Variants in FAM24B observed in about 807,000 individuals in gnomAD.
FAM24B encodes protein FAM24B.
In FAM24B, 3 loss-of-function variants were observed where a neutral mutation model predicts 2.3. The observed-to-expected ratio is 1.29, with a 90% CI of 0.59 to 3.32. The LOEUF (loss-of-function observed/expected upper bound fraction) is 3.32, where lower values mean the gene tolerates loss of function less well. Among genes scored for constraint, FAM24B ranks in the 30% most tolerant of loss-of-function variants. The pLI is 0.03. For missense variants in FAM24B, 98 were observed against 117.2 expected (o/e 0.84, Z 0.76); for synonymous variants, 36 against 46.3 (o/e 0.78, Z 0.90).
intron 1 of FAM24B, among the ~76,000 whole-genome samples, chr10:122,869,974 C>CA (rs1188722862): frequency 3.3e-5 from 5 of 152,070 alleles, no homozygotes; most frequent in East Asian, 3.9e-4. Context: ...AAAAGCCCTT[C>CA]AAAAAAATCA....
intron 3 of FAM24B, 74 bp from the exon 4 acceptor site, chr10:122,849,513 G>T (rs1378817740): frequency 7.9e-6 from 11 of 1,385,028 alleles, no homozygotes; most frequent in East Asian, 2.4e-5. Flanking sequence ...CTGTTGGGGG[G>T]TATCTGGGGA....
At chr10:122,859,811 G>A (rs1425807813) in intron 1 of FAM24B, among the ~76,000 whole-genome samples, 1 of 152,128 alleles carries the variant, frequency 6.6e-6, no homozygotes, top group Non-Finnish European at 1.5e-5. Flanking sequence ...TTAAGGCTAG[G>A]CTGGCCCTTC....
chr10:122,867,451 C>T (rs1208170257), intron 1 of FAM24B, among the ~76,000 whole-genome samples: 1 of 152,212 alleles, frequency 6.6e-6, no homozygotes, highest in African/African-American at 2.4e-5. Flanking sequence ...TAGTGGTTCT[C>T]CCAGCACACA....
chr10:122,854,901 CG>C lies in FAM24B; in HGVS notation c.-36+743del, dbSNP rs541628430. 1.6e-4 allele frequency among the ~76,000 whole-genome samples: 24 copies of C among 152,338 alleles called. No homozygotes were observed. In the East Asian group the frequency reaches 4.4e-3, roughly 28 times the overall value. ...CCACTAACAAATGGTGCAAACACCC[CG>C]ATGCCTGCTAAATTGCATCTCTGGT... On this transcript the variant is annotated intron_variant, in intron 2 of 3. Coordinates refer to ENST00000368898, the MANE Select transcript of FAM24B (RefSeq NM_152644.3).
intron 1 of FAM24B, among the ~76,000 whole-genome samples, chr10:122,869,160 A>G (rs1566263005): frequency 1.3e-5 from 2 of 152,116 alleles, no homozygotes; most frequent in Non-Finnish European, 2.9e-5. Flanking sequence ...CAGACTTTAA[A>G]CCAACAAAGA....
chr10:122,864,673 G>A (rs1847773582), intron 1 of FAM24B, among the ~76,000 whole-genome samples: 1 of 152,156 alleles, frequency 6.6e-6, no homozygotes, highest in Non-Finnish European at 1.5e-5. Context: ...AGTATCACAT[G>A]CAGATTAATT....
chr10:122,864,791 C>G (rs1356249426), intron 1 of FAM24B, among the ~76,000 whole-genome samples: 1 of 152,162 alleles, frequency 6.6e-6, no homozygotes, highest in Non-Finnish European at 1.5e-5. Flanking sequence ...TTGCCTTATC[C>G]AGAATGTCAC....
At chr10:122,878,299 G>A (rs1434183671) in intron 1 of FAM24B, among the ~76,000 whole-genome samples, 9 of 152,136 alleles carry the variant, frequency 5.9e-5, no homozygotes, top group Non-Finnish European at 8.8e-5. Flanking sequence ...TTTGGGAGCC[G>A]AGGCGGGCGG....
intron 1 of FAM24B, among the ~76,000 whole-genome samples, chr10:122,873,557 C>A (rs967479917): frequency 1.3e-5 from 2 of 152,378 alleles, no homozygotes; most frequent in South Asian, 4.1e-4. Context: ...ATCCATTCCG[C>A]AGCCCATGGA....
chr10:122,872,004 C>A (rs1366114160), intron 1 of FAM24B, among the ~76,000 whole-genome samples: 4 of 152,068 alleles, frequency 2.6e-5, no homozygotes, highest in African/African-American at 9.7e-5. Flanking sequence ...AACAGGCAAC[C>A]TACAGAATGG....
chr10:122,862,835 A>C (rs1013193656), intron 1 of FAM24B, among the ~76,000 whole-genome samples: 4 of 152,088 alleles, frequency 2.6e-5, no homozygotes, highest in African/African-American at 9.7e-5. Context: ...AAATGGGAGA[A>C]ACCAATTGCT....
At chr10:122,852,695 G>T (rs1464618405) in intron 2 of FAM24B, among the ~76,000 whole-genome samples, 1 of 152,192 alleles carries the variant, frequency 6.6e-6, no homozygotes, top group Admixed American at 6.5e-5. Context: ...AGGGGTCAGA[G>T]GTGAGTCTCT....
intron 1 of FAM24B, among the ~76,000 whole-genome samples, chr10:122,870,692 A>T (rs1460773784): frequency 1.3e-5 from 2 of 152,224 alleles, no homozygotes; most frequent in African/African-American, 4.8e-5. Context: ...AAACCACAAG[A>T]TTATCTCAAT....
At chr10:122,850,601 A>C (rs1847517657) in intron 2 of FAM24B, 51 bp from the exon 3 acceptor site, 3 of 878,238 alleles carry the variant, frequency 3.4e-6, no homozygotes, top group Non-Finnish European at 5.9e-6. Context: ...CTCCCTCCCC[A>C]CACAACCACT....
chr10:122,875,761 C>A (rs1287738097), intron 1 of FAM24B, among the ~76,000 whole-genome samples: 3 of 151,678 alleles, frequency 2.0e-5, no homozygotes, highest in Non-Finnish European at 4.4e-5. Flanking sequence ...AAAAAAAAAA[C>A]CCTGAAACTG....
At chr10:122,855,215 T>C (rs928707144) in intron 2 of FAM24B, 5 of 152,188 alleles carry the variant, frequency 3.3e-5, no homozygotes, top group Non-Finnish European at 7.4e-5. Flanking sequence ...ACTGCCAAGG[T>C]TTGAAGACAG....
Position 122,864,529 on chromosome 10 carries a change from A to G in FAM24B, c.-177-8743T>C, listed in dbSNP as rs181028314. Among the ~76,000 whole-genome samples, 7 of 152,344 alleles carry G rather than the reference A, an allele frequency of 4.6e-5. No individual in the cohort carries two copies. In the East Asian group the frequency reaches 7.7e-4, roughly 17 times the overall value. ...ACTTTGACAAGAAAAAACATCTTGT[A>G]TTACTGTGGTGCATTTGTTACAATT... On this transcript the variant is annotated intron_variant, in intron 1 of 3. Transcript: ENST00000368898.
chr10:122,872,231 A>G (rs1355754277), intron 1 of FAM24B, among the ~76,000 whole-genome samples: 10 of 152,208 alleles, frequency 6.6e-5, no homozygotes, highest in Non-Finnish European at 1.3e-4. Context: ...CAAAACCACA[A>G]TGAGATACCA....
At position 122,849,331 on chromosome 10, in the gene FAM24B, G is replaced by T. The variant is rs1465219766; in HGVS notation, c.201C>A (p.Ala67=). The T allele has an allele frequency of 1.2e-6, 2 of 1,613,330 alleles. No homozygotes were observed. Among genetic ancestry groups the T allele is most frequent in the East Asian group, 4.5e-5 (2 of 44,842 alleles). ...AKTIATESCP[A]LQCCEGYRMC... is the part of the protein sequence containing the mutation. ...TTCTATATCCTTCACAGCACTGCAG[G>T]GCAGGACAAGACTCCGTGGCAATGG... The change falls in exon 4 of 4, where the codon GCC becomes GCA. Residue 67 remains alanine, a synonymous_variant. Transcript: ENST00000368898.
Sources: gnomAD v4.1 joint callset for allele counts (sites outside exome capture counted in the v4.1 genomes callset) on GRCh38, gnomAD v4.1.1 for gene constraint, MANE v1.5 for transcripts, NCBI Gene and HGNC (gene_info 2026-07-23, HGNC 2026-07-21) for gene names.